The following TMEM132D variants were observed in gnomAD, a reference collection of about 807,000 sequenced individuals.
TMEM132D encodes the protein mature OL transmembrane protein.
Under a neutral mutation model 62.3 loss-of-function variants are expected in TMEM132D, and 21 were observed. The observed-to-expected ratio is 0.34, with a 90% CI of 0.24 to 0.49. The LOEUF (loss-of-function observed/expected upper bound fraction) is 0.49. TMEM132D is among the 20% of genes least tolerant of loss of function. TMEM132D has a pLI of 0.99. For synonymous variants in TMEM132D, 621 were observed against 575.6 expected (o/e 1.08, Z -1.13); for missense variants, 1,346 against 1,402.8 (o/e 0.96, Z 0.65).
chr12:129,462,872 C>G (rs1043413518), intron 3 of TMEM132D, among the ~76,000 whole-genome samples: 1 of 152,174 alleles, frequency 6.6e-6, no homozygotes, highest in African/African-American at 2.4e-5. Context: ...CTTCCATACG[C>G]AGGCCAGTCT....
At chr12:129,278,795 A>G (rs1266705417) in intron 4 of TMEM132D, among the ~76,000 whole-genome samples, 1 of 152,232 alleles carries the variant, frequency 6.6e-6, no homozygotes, top group African/African-American at 2.4e-5. Flanking sequence ...AGCAGGAGAC[A>G]GGATACGTGT....
In TMEM132D at chr12:129,155,940, C is replaced by T. The variant is rs75781416; in HGVS notation, c.1443+53580G>A. Among the ~76,000 whole-genome samples, 763 of 152,086 alleles carry T rather than the reference C, an allele frequency of 5.0e-3. 7 individuals are homozygous for T. Among genetic ancestry groups the T allele is most frequent in the African/African-American group, 0.017 (687 of 41,462 alleles). ...TACTCCCAATATAATGAATCCACTC[C>T]CAAGATAATCAACCCACTCTCATGA... On this transcript the variant is annotated intron_variant, in intron 5 of 8. Transcript: ENST00000422113.
rs549699783 is a variant in TMEM132D at position 129,528,333 on chromosome 12, C to T, written c.1115+2726G>A. Among the ~76,000 whole-genome samples, 44 of 150,444 alleles carry T rather than the reference C, an allele frequency of 2.9e-4. 1 individual carries two copies. Among genetic ancestry groups the T allele is most frequent in the Admixed American group, 2.7e-3 (41 of 14,986 alleles). On this transcript the variant is annotated intron_variant, in intron 3 of 8. Coordinates refer to ENST00000422113, the MANE Select transcript of TMEM132D (RefSeq NM_133448.3). The stretch of plus-strand genomic sequence containing the variant: ...AGAAGTAAAATGAAAAGTTTCAAAG[C>T]GAGGATAAAAGTTGAATATATGAAT...
chr12:129,784,998 T>C (rs1871214489), intron 1 of TMEM132D, among the ~76,000 whole-genome samples: 1 of 152,098 alleles, frequency 6.6e-6, no homozygotes, highest in South Asian at 2.1e-4. Context: ...CCTGAGGGTG[T>C]TTCTTTAGGC....
intron 4 of TMEM132D, among the ~76,000 whole-genome samples, chr12:129,225,204 G>A (rs535521599): frequency 6.6e-6 from 1 of 152,318 alleles, no homozygotes; most frequent in African/African-American, 2.4e-5. Flanking sequence ...ATACATGAAA[G>A]GTGGTTATTG....
rs545993296 is a variant in TMEM132D at position 129,370,293 on chromosome 12, A to G, written c.1116-32476T>C. 2.7e-4 allele frequency among the ~76,000 whole-genome samples: 41 copies of G among 152,322 alleles called. No individual in the cohort carries two copies. In the South Asian group the frequency reaches 7.7e-3, roughly 29 times the overall value. On this transcript the variant is annotated intron_variant, in intron 3 of 8. Coordinates refer to ENST00000422113, the MANE Select transcript of TMEM132D (RefSeq NM_133448.3). ...TTTCATCCTCTGTTGCCCTGGAGCC[A>G]TGACAGTTAATGATTTTTAAAGAAT... is the stretch of plus-strand genomic sequence containing the variant.
chr12:129,829,929 C>T (rs1462643574), intron 1 of TMEM132D, among the ~76,000 whole-genome samples: 2 of 152,180 alleles, frequency 1.3e-5, no homozygotes, highest in Non-Finnish European at 2.9e-5. Flanking sequence ...GCTAAAACCT[C>T]AGGTTTTAAG....
chr12:129,487,263 C>T (rs894968159), intron 3 of TMEM132D, among the ~76,000 whole-genome samples: 3 of 152,254 alleles, frequency 2.0e-5, no homozygotes, highest in East Asian at 3.9e-4. Context: ...CCCCAGATGC[C>T]GTCACAGAGG....
chr12:129,675,377 G>A (rs1231447746), intron 2 of TMEM132D, among the ~76,000 whole-genome samples: 2 of 151,528 alleles, frequency 1.3e-5, no homozygotes, highest in South Asian at 2.1e-4. Flanking sequence ...CTGTCGGGGG[G>A]TGGGGGGCAA....
chr12:129,839,882 C>G (rs1397575235), intron 1 of TMEM132D: 1 of 152,108 alleles, frequency 6.6e-6, no homozygotes, highest in South Asian at 2.1e-4. Flanking sequence ...GTGAGGTGAG[C>G]GCTCATCAAA....
At chr12:129,839,126 T>TTTC (rs1230678141) in intron 1 of TMEM132D, among the ~76,000 whole-genome samples, 1 of 107,356 alleles carries the variant, frequency 9.3e-6, no homozygotes, top group African/African-American at 3.6e-5. Context: ...AATTTTTTTT[T>TTTC]TTTTTTTTTT....
intron 1 of TMEM132D, among the ~76,000 whole-genome samples, chr12:129,786,494 C>A (rs142949092): frequency 6.6e-6 from 1 of 152,210 alleles, no homozygotes; most frequent in African/African-American, 2.4e-5. Flanking sequence ...GGAGCGAAGA[C>A]GAACCTTCAT....
intron 5 of TMEM132D, among the ~76,000 whole-genome samples, chr12:129,173,121 C>A (rs1294960639): frequency 6.6e-6 from 1 of 152,078 alleles, no homozygotes; most frequent in Non-Finnish European, 1.5e-5. Context: ...TGAGAGTTGA[C>A]CAAATGTGAC....
chr12:129,301,353 C>A (rs1191821961), intron 4 of TMEM132D, among the ~76,000 whole-genome samples: 1 of 152,128 alleles, frequency 6.6e-6, no homozygotes, highest in Admixed American at 6.5e-5. Context: ...GCTATGGGGG[C>A]TCAAAGCTGC....
At chr12:129,625,109 A>T (rs923699695) in intron 2 of TMEM132D, among the ~76,000 whole-genome samples, 2 of 152,150 alleles carry the variant, frequency 1.3e-5, no homozygotes, top group Non-Finnish European at 2.9e-5. Context: ...GATCATTCCT[A>T]AAATTCCTCA....
intron 3 of TMEM132D, among the ~76,000 whole-genome samples, chr12:129,498,655 G>A (rs1356866916): frequency 2.0e-5 from 3 of 152,132 alleles, no homozygotes; most frequent in Non-Finnish European, 4.4e-5. Flanking sequence ...GGATAGATGC[G>A]TCAAATCCAA....
chr12:129,394,465 T>C (rs1334863392), intron 3 of TMEM132D, among the ~76,000 whole-genome samples: 1 of 152,220 alleles, frequency 6.6e-6, no homozygotes, highest in Middle Eastern at 3.2e-3. Flanking sequence ...TGATCTCTAC[T>C]AAGGAAACAG....
chr12:129,490,680 C>G (rs1420782605), intron 3 of TMEM132D, among the ~76,000 whole-genome samples: 1 of 142,164 alleles, frequency 7.0e-6, no homozygotes, highest in Admixed American at 7.4e-5. Flanking sequence ...GTCTCCATCT[C>G]CTGACCTCGT....
intron 1 of TMEM132D, among the ~76,000 whole-genome samples, chr12:129,725,002 C>T (rs920605419): frequency 2.6e-5 from 4 of 152,182 alleles, no homozygotes; most frequent in African/African-American, 9.7e-5. Context: ...ACTTCCAGGC[C>T]TGGCCCCAGA....
Sources: gnomAD v4.1 joint callset for allele counts (sites outside exome capture counted in the v4.1 genomes callset) on GRCh38, gnomAD v4.1.1 for gene constraint, MANE v1.5 for transcripts, NCBI Gene and HGNC (gene_info 2026-07-23, HGNC 2026-07-21) for gene names.